RALYL: variants seen among roughly 807,000 people sequenced by gnomAD.
The protein encoded by RALYL is RNA-binding Raly-like protein.
In RALYL, 29 loss-of-function variants were observed where a neutral mutation model predicts 35.1. That is an observed-to-expected ratio of 0.83 (90% CI 0.61 to 1.13). The LOEUF is 1.13. RALYL is among the 50% of genes most tolerant of loss of function. The pLI is 0.00. For missense variants in RALYL, 359 were observed against 360.4 expected, an observed-to-expected ratio of 1.00 and a Z score of 0.03; for synonymous variants, 120 against 127.6, an observed-to-expected ratio of 0.94 and a Z score of 0.40.
intron 1 of RALYL, among the ~76,000 whole-genome samples, chr8:84,209,524 A>G (rs1818937717): frequency 6.6e-6 from 1 of 152,196 alleles, no homozygotes. Context: ...CTGAGCCACT[A>G]CAGGGCAATA....
At chr8:84,201,486 T>A (rs1055263824) in intron 1 of RALYL, among the ~76,000 whole-genome samples, 1 of 152,154 alleles carries the variant, frequency 6.6e-6, no homozygotes, top group South Asian at 2.1e-4. Context: ...GAGAAATCAA[T>A]TGCTTATTAA....
intron 2 of RALYL, among the ~76,000 whole-genome samples, chr8:84,744,494 G>T (rs1289627158): frequency 1.3e-5 from 2 of 152,010 alleles, no homozygotes; most frequent in African/African-American, 4.8e-5. Flanking sequence ...ATTTGGAGTA[G>T]CCCAGTACAC....
intron 1 of RALYL, among the ~76,000 whole-genome samples, chr8:84,248,582 C>T (rs1237901529): frequency 2.0e-5 from 3 of 152,020 alleles, no homozygotes; most frequent in Non-Finnish European, 4.4e-5. Flanking sequence ...TATTCTCCAC[C>T]AAAACTTTCT....
At chr8:84,536,503 A>C (rs1008191793) in intron 2 of RALYL, among the ~76,000 whole-genome samples, 7 of 152,346 alleles carry the variant, frequency 4.6e-5, no homozygotes, top group East Asian at 1.9e-4. Flanking sequence ...CTGAGCATCT[A>C]GCAAGGACAG....
chr8:84,203,327 G>A (rs1817347964), intron 1 of RALYL, among the ~76,000 whole-genome samples: 1 of 151,282 alleles, frequency 6.6e-6, no homozygotes, highest in Non-Finnish European at 1.5e-5. Context: ...TAGAATTCTG[G>A]AAAGTACAGG....
intron 2 of RALYL, among the ~76,000 whole-genome samples, chr8:84,735,405 AT>A (rs1379668099): frequency 6.6e-6 from 1 of 152,114 alleles, no homozygotes; most frequent in East Asian, 1.9e-4. Context: ...TTTTTCTCAT[AT>A]TAACATTCTA....
At chr8:84,551,548 AC>A (rs1468500488) in intron 2 of RALYL, among the ~76,000 whole-genome samples, 1 of 152,078 alleles carries the variant, frequency 6.6e-6, no homozygotes, top group African/African-American at 2.4e-5. Flanking sequence ...GTAATTAGAG[AC>A]TTGATAGAGT....
chr8:84,554,499 T>C (rs1053999502), intron 2 of RALYL, among the ~76,000 whole-genome samples: 3 of 152,186 alleles, frequency 2.0e-5, no homozygotes, highest in African/African-American at 7.2e-5. Context: ...ACCAAAAATA[T>C]TAAAACATTC....
chr8:84,450,153 C>G (rs1563952000), intron 1 of RALYL, among the ~76,000 whole-genome samples: 1 of 151,662 alleles, frequency 6.6e-6, no homozygotes, highest in Non-Finnish European at 1.5e-5. Flanking sequence ...AATGATACAG[C>G]TTATGTTATT....
At chr8:84,502,939 A>C (rs1040970321) in intron 1 of RALYL, among the ~76,000 whole-genome samples, 1 of 151,896 alleles carries the variant, frequency 6.6e-6, no homozygotes, top group Non-Finnish European at 1.5e-5. Context: ...AAAATAATTT[A>C]GAGTATAATT....
intron 1 of RALYL, among the ~76,000 whole-genome samples, chr8:84,446,313 A>T (rs964715196): frequency 6.6e-6 from 1 of 152,076 alleles, no homozygotes; most frequent in Non-Finnish European, 1.5e-5. Flanking sequence ...GTTCTTTTTT[A>T]AAAATGAAAG....
At chr8:84,428,518 T>C (rs1445565765) in intron 1 of RALYL, among the ~76,000 whole-genome samples, 1 of 152,202 alleles carries the variant, frequency 6.6e-6, no homozygotes, top group Non-Finnish European at 1.5e-5. Context: ...GAATTCTTGA[T>C]GTAAATGGAT....
chr8:84,732,683 TACACACAC>T (rs1554553642), intron 2 of RALYL, among the ~76,000 whole-genome samples: 2 of 133,230 alleles, frequency 1.5e-5, no homozygotes, highest in African/African-American at 3.0e-5. Context: ...TATATATATA[TACACACAC>T]ACACACATAT....
At chr8:84,195,835 G>C (rs953212384) in intron 1 of RALYL, among the ~76,000 whole-genome samples, 11 of 152,306 alleles carry the variant, frequency 7.2e-5, no homozygotes, top group South Asian at 6.2e-4. Context: ...ACTGGAAGAT[G>C]AAAGTAAATG....
At chr8:84,694,139 G>C (rs148948570) in intron 2 of RALYL, among the ~76,000 whole-genome samples, 5 of 151,762 alleles carry the variant, frequency 3.3e-5, no homozygotes, top group Admixed American at 2.0e-4. Flanking sequence ...GAAATAAAAG[G>C]CATCCAAATT....
chr8:84,645,616 T>C (rs1408795879), intron 2 of RALYL, among the ~76,000 whole-genome samples: 1 of 152,124 alleles, frequency 6.6e-6, no homozygotes, highest in Non-Finnish European at 1.5e-5. Context: ...GTCTCAGTTC[T>C]TTGTCTTAGG....
intron 1 of RALYL, among the ~76,000 whole-genome samples, chr8:84,215,483 A>G (rs1820586360): frequency 6.6e-6 from 1 of 152,016 alleles, no homozygotes; most frequent in East Asian, 1.9e-4. Flanking sequence ...CATTATATTT[A>G]TATATGGATA....
At chr8:84,213,227 C>T (rs1469861376) in intron 1 of RALYL, among the ~76,000 whole-genome samples, 1 of 151,924 alleles carries the variant, frequency 6.6e-6, no homozygotes, top group Non-Finnish European at 1.5e-5. Flanking sequence ...CCCATCTGTA[C>T]TAAAAGTACA....
chr8:84,512,641 C>T (rs955685215), intron 1 of RALYL, among the ~76,000 whole-genome samples: 1 of 152,008 alleles, frequency 6.6e-6, no homozygotes, highest in Non-Finnish European at 1.5e-5. Context: ...CTTATGTTTC[C>T]TTTAAGTGGT....
Sources: gnomAD v4.1 joint callset for allele counts (sites outside exome capture counted in the v4.1 genomes callset) on GRCh38, gnomAD v4.1.1 for gene constraint, MANE v1.5 for transcripts, NCBI Gene and HGNC (gene_info 2026-07-23, HGNC 2026-07-21) for gene names.